PPARGC1A: variants seen among roughly 807,000 people sequenced by gnomAD.
The protein encoded by PPARGC1A is PPARG coactivator 1 alpha, also known as peroxisome proliferator-activated receptor gamma coactivator 1-alpha.
In PPARGC1A, 25 loss-of-function variants were observed where a neutral mutation model predicts 88.7. That is an observed-to-expected ratio of 0.28 (90% confidence interval 0.21 to 0.39). PPARGC1A has a LOEUF of 0.39. Ranked by LOEUF, PPARGC1A falls within the 10% of genes least tolerant of loss-of-function variation. The probability of loss-of-function intolerance (pLI) is 1.00; values close to 1 mark genes in which losing one functional copy is unlikely to be tolerated. For synonymous variants in PPARGC1A, 363 were observed against 355.6 expected, an observed-to-expected ratio of 1.02 and a Z score of -0.24; for missense variants, 880 against 968.7, an observed-to-expected ratio of 0.91 and a Z score of 1.22.
At chr4:24,210,579 C>T in the PPARGC1A span, among the ~76,000 whole-genome samples, 7 of 152,154 alleles carry the variant, frequency 4.6e-5, no homozygotes. Context: ...AAACACATTG[C>T]ATCACACACT....
At chr4:24,244,479 C>T in the PPARGC1A span, among the ~76,000 whole-genome samples, 6 of 152,160 alleles carry the variant, frequency 3.9e-5, no homozygotes, top group African/African-American at 1.4e-4. Flanking sequence ...GGCTAACTAC[C>T]TTGCCCAAAG....
chr4:24,086,050 G>A, the PPARGC1A span, among the ~76,000 whole-genome samples: 1 of 152,230 alleles, frequency 6.6e-6, no homozygotes, highest in East Asian at 1.9e-4. Flanking sequence ...TGAAATTACT[G>A]TCATTGGTAA....
chr4:24,203,575 A>C, the PPARGC1A span, among the ~76,000 whole-genome samples: 113 of 19,660 alleles, frequency 5.7e-3, no homozygotes, highest in Middle Eastern at 0.17. Flanking sequence ...GAGATAGAAA[A>C]AGAAAGAGAA....
the PPARGC1A span, among the ~76,000 whole-genome samples, chr4:24,280,568 G>T: frequency 2.0e-5 from 3 of 152,046 alleles, no homozygotes; most frequent in Middle Eastern, 3.4e-3. Flanking sequence ...AGAGAGGAAA[G>T]AAAAAAACTT....
chr4:24,142,399 G>A, the PPARGC1A span, among the ~76,000 whole-genome samples: 1 of 152,124 alleles, frequency 6.6e-6, no homozygotes, highest in Non-Finnish European at 1.5e-5. Flanking sequence ...GGGGCTGGGT[G>A]CGGTGGCTCA....
chr4:23,932,086 T>C, the PPARGC1A span, among the ~76,000 whole-genome samples: 1 of 152,142 alleles, frequency 6.6e-6, no homozygotes, highest in Non-Finnish European at 1.5e-5. Context: ...TAGCTAAAAA[T>C]AGAAAGAAGG....
chr4:23,947,548 ATCC>A, the PPARGC1A span, among the ~76,000 whole-genome samples: 1 of 151,728 alleles, frequency 6.6e-6, no homozygotes, highest in Non-Finnish European at 1.5e-5. Flanking sequence ...TCATACTCAT[ATCC>A]TCCTCAAGGA....
the PPARGC1A span, among the ~76,000 whole-genome samples, chr4:23,915,176 T>A: frequency 6.6e-6 from 1 of 152,180 alleles, no homozygotes; most frequent in Non-Finnish European, 1.5e-5. Flanking sequence ...TCTTTTTTTT[T>A]AAATGGGATT....
At chr4:24,462,997 G>A in the PPARGC1A span, among the ~76,000 whole-genome samples, 17 of 151,846 alleles carry the variant, frequency 1.1e-4, no homozygotes, top group African/African-American at 3.1e-4. Flanking sequence ...TCTCCATAGC[G>A]TTCACCTCAC....
the PPARGC1A span, among the ~76,000 whole-genome samples, chr4:24,300,676 A>G: frequency 1.3e-5 from 2 of 152,080 alleles, no homozygotes; most frequent in Non-Finnish European, 2.9e-5. Flanking sequence ...TATCCTTAAT[A>G]GTAAAGCCCC....
the PPARGC1A span, among the ~76,000 whole-genome samples, chr4:24,329,556 T>C: frequency 6.6e-6 from 1 of 152,150 alleles, no homozygotes; most frequent in Non-Finnish European, 1.5e-5. Flanking sequence ...TCCTCTCTCT[T>C]TACCTGGCAA....
At chr4:24,064,764 G>T in the PPARGC1A span, among the ~76,000 whole-genome samples, 2 of 151,976 alleles carry the variant, frequency 1.3e-5, no homozygotes, top group Admixed American at 6.6e-5. Flanking sequence ...TTTTTTGGTT[G>T]GTTTGTTTGT....
chr4:23,946,719 T>G, the PPARGC1A span, among the ~76,000 whole-genome samples: 1 of 151,878 alleles, frequency 6.6e-6, no homozygotes, highest in Admixed American at 6.6e-5. Context: ...CTCCCTCACA[T>G]CCTAGGATGG....
upstream of PPARGC1A, among the ~76,000 whole-genome samples, chr4:23,900,382 A>G (rs905638399): frequency 3.3e-5 from 5 of 152,040 alleles, no homozygotes; most frequent in Non-Finnish European, 5.9e-5. Flanking sequence ...GTTACTTATT[A>G]TCTATCTGTA....
At chr4:24,184,329 G>A in the PPARGC1A span, among the ~76,000 whole-genome samples, 2 of 152,184 alleles carry the variant, frequency 1.3e-5, no homozygotes. Context: ...GATAACAGAA[G>A]ATCCAGTGGT....
At chr4:24,136,999 A>C in the PPARGC1A span, among the ~76,000 whole-genome samples, 3 of 151,880 alleles carry the variant, frequency 2.0e-5, no homozygotes, top group African/African-American at 7.3e-5. Context: ...CTAAAATCCC[A>C]GCTACTCAGG....
chr4:23,863,339 A>G (rs974111779), intron 2 of PPARGC1A, among the ~76,000 whole-genome samples: 1 of 151,750 alleles, frequency 6.6e-6, no homozygotes, highest in African/African-American at 2.4e-5. Context: ...CAAACCCCAT[A>G]TTGTCTTTTT....
chr4:24,299,925 G>T, the PPARGC1A span, among the ~76,000 whole-genome samples: 85 of 152,300 alleles, frequency 5.6e-4, no homozygotes, highest in East Asian at 0.012. Context: ...GAATTATGTG[G>T]CTGAGATCAT....
intron 2 of PPARGC1A, among the ~76,000 whole-genome samples, chr4:23,857,899 A>G (rs2148695918): frequency 6.6e-6 from 1 of 151,644 alleles, no homozygotes; most frequent in East Asian, 2.0e-4. Flanking sequence ...CATCAGCCAT[A>G]CATATCCTTC....
Sources: allele counts gnomAD v4.1 joint callset (sites outside exome capture counted in the v4.1 genomes callset), GRCh38; gene constraint gnomAD v4.1.1; transcripts MANE v1.5; gene names NCBI Gene and HGNC (gene_info 2026-07-23, HGNC 2026-07-21).